SERPINE2: variants seen among roughly 807,000 people sequenced by gnomAD.
SERPINE2 encodes the protein glia-derived nexin.
In SERPINE2, 14 loss-of-function variants were observed where a neutral mutation model predicts 36.3. The observed-to-expected ratio is 0.39, with a 90% CI of 0.25 to 0.60. The LOEUF is 0.60. SERPINE2 is among the 20% of genes least tolerant of loss of function. The probability of loss-of-function intolerance (pLI) is 0.57; values close to 1 mark genes in which losing one functional copy is unlikely to be tolerated. For synonymous variants in SERPINE2, 192 were observed against 191.8 expected (o/e 1.00, Z -0.01); for missense variants, 418 against 499.6 (o/e 0.84, Z 1.56).
At chr2:224,031,544 C>G (rs557786358) in intron 1 of SERPINE2, 8 of 979,952 alleles carry the variant, frequency 8.2e-6, no homozygotes, top group African/African-American at 7.0e-5. Flanking sequence ...CATTGGTACA[C>G]GGAAGGGCAT....
chr2:223,978,875 G>T (rs1229209839), intron 7 of SERPINE2: 1 of 152,192 alleles, frequency 6.6e-6, no homozygotes, highest in Non-Finnish European at 1.5e-5. Flanking sequence ...CCTTTGAGGA[G>T]GTAATGAAGG....
At position 224,001,639 on chromosome 2, in the gene SERPINE2, C is replaced by T. The variant is rs371444495; in HGVS notation, c.259+3G>A. ...CCGCCAGTGAGCAATTGTGCACACG[C>T]ACCATTTACGCCGTATCTCATCACC... is the stretch of plus-strand genomic sequence containing the variant. On this transcript the variant is annotated splice_donor_region_variant and intron_variant, in intron 2 of 8. Coordinates refer to ENST00000409304, the MANE Select transcript of SERPINE2 (RefSeq NM_001136528.2). 43 of 1,611,586 alleles carry T rather than the reference C, an allele frequency of 2.7e-5. No homozygotes were observed. The highest frequency in any genetic ancestry group is 3.6e-5 in the Non-Finnish European group (43 of 1,178,644).
intron 1 of SERPINE2, among the ~76,000 whole-genome samples, chr2:224,014,478 C>T (rs770090794): frequency 1.4e-4 from 21 of 152,284 alleles, no homozygotes; most frequent in African/African-American, 2.6e-4. Context: ...GGACTTCAGA[C>T]GGAGACTCTG....
At chr2:223,998,434 T>C (rs1410724017) in intron 2 of SERPINE2, 92 bp from the exon 3 acceptor site, 5 of 946,768 alleles carry the variant, frequency 5.3e-6, no homozygotes, top group South Asian at 1.5e-5. Context: ...AAGAACAGTA[T>C]AGGCCAGGTG....
Position 223,985,097 on chromosome 2 carries a change from C to T in SERPINE2, c.686-147G>A, listed in dbSNP as rs190110102. The T allele has an allele frequency of 1.4e-4, 92 of 648,804 alleles. 1 individual carries two copies. In the African/African-American group the frequency reaches 1.6e-3, roughly 11 times the overall value. The allele number at this position is 648,804 out of a possible 1,614,324, so 40.2% of individuals were successfully genotyped here. ...AATAGCTTCCTTAGAAGGACAAAGACAAGGACAATTATTTCTTCCTTCCCC... is the reference window on the plus strand; with the variant it reads ...AATAGCTTCCTTAGAAGGACAAAGATAAGGACAATTATTTCTTCCTTCCCC... On this transcript the variant is annotated intron_variant, in intron 4 of 8. Coordinates refer to ENST00000409304, the MANE Select transcript of SERPINE2 (RefSeq NM_001136528.2).
At chr2:223,999,503 G>A (rs138493443) in intron 2 of SERPINE2, among the ~76,000 whole-genome samples, 1 of 152,226 alleles carries the variant, frequency 6.6e-6, no homozygotes, top group Non-Finnish European at 1.5e-5. Context: ...GTCTTCTCAG[G>A]GCCCACAAAC....
intron 6 of SERPINE2, chr2:223,981,348 A>T (rs1690220748): frequency 6.6e-6 from 1 of 152,256 alleles, no homozygotes; most frequent in Non-Finnish European, 1.5e-5. Flanking sequence ...GGAAAAGTGC[A>T]GATGAAAATG....
At chr2:224,011,378 A>G (rs998007400) in intron 1 of SERPINE2, among the ~76,000 whole-genome samples, 9 of 152,228 alleles carry the variant, frequency 5.9e-5, no homozygotes, top group African/African-American at 2.2e-4. Context: ...TGTTTTTAGT[A>G]TTGGTAAAAA....
Position 223,975,800 on chromosome 2 carries a change from T to C in SERPINE2, c.*67A>G, listed in dbSNP as rs112822550. ...AAATATTTAACAGAACTATGAAAGA[T>C]GCAGGAAAGGAGTCTTTCTTCGTAG... is the stretch of plus-strand genomic sequence containing the variant. On this transcript the variant is annotated 3_prime_UTR_variant, in exon 9 of 9. Transcript: ENST00000409304. 7.8e-7 allele frequency: 1 copy of C among 1,279,816 alleles called. No individual in the cohort carries two copies. The highest frequency in any genetic ancestry group is 1.5e-5 in the African/African-American group (1 of 67,368). The allele number at this position is 1,279,816 out of a possible 1,614,324, so 79.3% of individuals were successfully genotyped here.
chr2:223,991,760 C>T (rs758272519), intron 4 of SERPINE2, 43 bp downstream of exon 4: 17 of 1,600,796 alleles, frequency 1.1e-5, no homozygotes, highest in African/African-American at 2.7e-5. Flanking sequence ...GCCTTTCTGC[C>T]GCCAGCACAT....
At chr2:224,011,744 T>G (rs1342327525) in intron 1 of SERPINE2, among the ~76,000 whole-genome samples, 2 of 152,216 alleles carry the variant, frequency 1.3e-5, no homozygotes, top group East Asian at 3.8e-4. Flanking sequence ...ACCCCTTCTA[T>G]CAATCAATCC....
rs1413250718 is a variant in SERPINE2 at position 223,984,863 on chromosome 2, G to A, written c.773C>T (p.Pro258Leu). 3.1e-6 allele frequency: 5 copies of A among 1,614,124 alleles called. No individual in the cohort carries two copies. Among genetic ancestry groups the A allele is most frequent in the Non-Finnish European group, 4.2e-6 (5 of 1,179,996 alleles). Reference sequence around the variant, plus strand: ...AGACAGCGGAGTGGAGCTCTCAGTCGGCAGTGCAATCAGCATGCTGATGCT... The same window carrying A: ...AGACAGCGGAGTGGAGCTCTCAGTCAGCAGTGCAATCAGCATGCTGATGCT... Reference protein sequence around the residue: ...GESISMLIALPTESSTPLSAI... With the variant: ...GESISMLIALLTESSTPLSAI... Residue 258 changes from proline to leucine, a missense_variant, in exon 5 of 9, where the codon CCG becomes CTG. Physicochemically the swap from Pro to Leu is moderately conservative, Grantham distance 98. Coordinates refer to ENST00000409304, the MANE Select transcript of SERPINE2 (RefSeq NM_001136528.2).
At chr2:224,025,179 C>A (rs1177799935) in intron 1 of SERPINE2, among the ~76,000 whole-genome samples, 1 of 152,214 alleles carries the variant, frequency 6.6e-6, no homozygotes, top group African/African-American at 2.4e-5. Context: ...ACAAGACTGG[C>A]ACGGCCAAGG....
chr2:224,015,123 T>C (rs1466552866), intron 1 of SERPINE2, among the ~76,000 whole-genome samples: 2 of 152,120 alleles, frequency 1.3e-5, no homozygotes, highest in Non-Finnish European at 1.5e-5. Context: ...GCACCCACAA[T>C]GCACAAGACA....
intron 1 of SERPINE2, chr2:224,038,446 C>A (rs1174427618): frequency 2.0e-6 from 3 of 1,531,210 alleles, no homozygotes; most frequent in Non-Finnish European, 1.8e-6. Flanking sequence ...ACATTAAATG[C>A]CTAATTCCTT....
At chr2:223,986,576 A>T (rs1690438729) in intron 4 of SERPINE2, among the ~76,000 whole-genome samples, 1 of 152,196 alleles carries the variant, frequency 6.6e-6, no homozygotes, top group South Asian at 2.1e-4. Flanking sequence ...ATTTTCAGAA[A>T]CTGTGAAATA....
At chr2:223,977,850 A>T in intron 7 of SERPINE2, 1 of 493,458 alleles carries the variant, frequency 2.0e-6, no homozygotes, top group Non-Finnish European at 3.7e-6. Flanking sequence ...TCTTCTACAC[A>T]AGCACCATCT....
At chr2:224,001,531 C>T in intron 2 of SERPINE2, 111 bp downstream of exon 2, 1 of 1,294,674 alleles carries the variant, frequency 7.7e-7, no homozygotes, top group Non-Finnish European at 1.0e-6. Context: ...CAGCAAATCC[C>T]CTTCTGGCTG....
At chr2:223,993,104 G>A (rs577089643) in intron 3 of SERPINE2, among the ~76,000 whole-genome samples, 17 of 147,206 alleles carry the variant, frequency 1.2e-4, no homozygotes, top group African/African-American at 4.2e-4. Flanking sequence ...CAGCCTGGGT[G>A]ACAGAATGAG....
Sources: gnomAD v4.1 joint callset for allele counts (sites outside exome capture counted in the v4.1 genomes callset) on GRCh38, gnomAD v4.1.1 for gene constraint, MANE v1.5 for transcripts, NCBI Gene and HGNC (gene_info 2026-07-23, HGNC 2026-07-21) for gene names.